The following ULK2 variants were observed in gnomAD, a reference collection of about 807,000 sequenced individuals.
ULK2 encodes serine/threonine-protein kinase ULK2.
Under a neutral mutation model 127.5 loss-of-function variants are expected in ULK2, and 76 were observed. That is an observed-to-expected ratio of 0.60 (90% CI 0.50 to 0.72). The LOEUF (loss-of-function observed/expected upper bound fraction) is 0.72, where lower values mean the gene tolerates loss of function less well. Ranked by LOEUF, ULK2 falls within the 30% of genes least tolerant of loss-of-function variation. The pLI is 0.00. For synonymous variants in ULK2, 452 were observed against 461.9 expected (o/e 0.98, Z 0.28); for missense variants, 1,144 against 1,295.9 (o/e 0.88, Z 1.80).
rs1175639813 is a variant in ULK2, at chr17:19,783,814, AGGG to A, written c.2340_2342del (p.Pro782del). On this transcript the variant is annotated inframe_deletion, in exon 22 of 27. Coordinates refer to ENST00000395544, the MANE Select transcript of ULK2 (RefSeq NM_014683.4). ...GGCTGGGAGCTGCCTCTGCTCCTGG[AGGG>A]GAAGAGCCGAAGCCTGGGCCAGGCG... The A allele has an allele frequency of 1.0e-5, 16 of 1,603,930 alleles. No homozygotes were observed. Among genetic ancestry groups the A allele is most frequent in the African/African-American group, 2.7e-5 (2 of 74,552 alleles).
Position 19,816,756 on chromosome 17 carries a change from G to C in ULK2, c.1089C>G (p.Asp363Glu), listed in dbSNP as rs2040999481. The C allele has an allele frequency of 2.1e-5, 34 of 1,589,416 alleles. No homozygotes were observed. The highest frequency in any genetic ancestry group is 2.6e-5 in the Non-Finnish European group (31 of 1,172,160). The change falls in exon 13 of 27, where the codon GAC becomes GAG. Residue 363 changes from aspartate (D) to glutamate (E), a missense_variant. Physicochemically the swap from Asp to Glu is conservative, Grantham distance 45. Around this residue, in one of 2 missense-constraint regions of ULK2, gnomAD observed 913 missense variants for 970.5 expected, o/e 0.94. Transcript: ENST00000395544. ...AGTAGAAAAGATTCTCACATGAGTG[G>C]TCTGACGAGATGTTGTGTGGCACCA... The part of the protein sequence containing the change: ...FVLVPHNISS[D>E]HSCDMPVGTA...
intron 13 of ULK2, among the ~76,000 whole-genome samples, chr17:19,814,411 CATAT>C (rs35552728): frequency 0.012 from 442 of 36,372 alleles, 31 homozygotes; most frequent in Middle Eastern, 0.025. Context: ...TTATTATATA[CATAT>C]ATATATATAT....
intron 12 of ULK2, among the ~76,000 whole-genome samples, chr17:19,817,952 A>G (rs191482093): frequency 1.3e-5 from 2 of 152,258 alleles, no homozygotes; most frequent in African/African-American, 4.8e-5. Flanking sequence ...AGGGAAGGGA[A>G]GATGGAAGAA....
intron 20 of ULK2, among the ~76,000 whole-genome samples, chr17:19,790,209 G>C (rs959396840): frequency 4.6e-5 from 7 of 152,142 alleles, no homozygotes; most frequent in African/African-American, 1.7e-4. Flanking sequence ...CTGAGGACAG[G>C]AGTTCGAGAC....
intron 3 of ULK2, among the ~76,000 whole-genome samples, chr17:19,858,795 C>A (rs1208354776): frequency 1.3e-5 from 2 of 151,972 alleles, no homozygotes; most frequent in Non-Finnish European, 2.9e-5. Context: ...CATGGTGAAA[C>A]CCCATTTCTA....
At chr17:19,849,912 T>C (rs1304274275) in intron 3 of ULK2, 138 bp from the exon 4 acceptor site, 1 of 561,692 alleles carries the variant, frequency 1.8e-6, no homozygotes, top group Non-Finnish European at 3.0e-6. Context: ...GAAAGTGAAA[T>C]TAAAATTCCC....
chr17:19,776,499 G>T, intron 26 of ULK2, 92 bp from the exon 27 acceptor site: 1 of 1,147,114 alleles, frequency 8.7e-7, no homozygotes, highest in Non-Finnish European at 1.2e-6. Context: ...TAACAGTTCT[G>T]AATATGTTTT....
At chr17:19,825,855 G>A (rs1444619569) in intron 11 of ULK2, among the ~76,000 whole-genome samples, 15 of 151,136 alleles carry the variant, frequency 9.9e-5, no homozygotes, top group South Asian at 4.2e-4. Context: ...GCATGGTGGC[G>A]CATGCCTGTA....
At chr17:19,864,886 A>G in intron 2 of ULK2, 42 bp from the exon 3 acceptor site, 1 of 961,428 alleles carries the variant, frequency 1.0e-6, no homozygotes, top group Non-Finnish European at 1.4e-6. Context: ...AAGTATTCTA[A>G]TGACTTTACT....
chr17:19,865,504 G>C (rs1242637502), intron 2 of ULK2, among the ~76,000 whole-genome samples: 1 of 152,152 alleles, frequency 6.6e-6, no homozygotes, highest in Non-Finnish European at 1.5e-5. Flanking sequence ...CTAGGAAAAA[G>C]AGAAATGATG....
chr17:19,803,181 CT>C (rs1466702239), intron 15 of ULK2, among the ~76,000 whole-genome samples: 1 of 152,146 alleles, frequency 6.6e-6, no homozygotes, highest in Non-Finnish European at 1.5e-5. Flanking sequence ...AAAGGGTATT[CT>C]ATGACAAAGC....
chr17:19,843,021 A>T lies in ULK2; in HGVS notation c.645+100T>A, dbSNP rs1415282707. 4.8e-6 allele frequency: 5 copies of T among 1,047,414 alleles called. No individual in the cohort carries two copies. The African/African-American group carries it at 7.9e-5, about 17-fold the overall frequency. The allele number at this position is 1,047,414 out of a possible 1,614,324, so 64.9% of individuals were successfully genotyped here. ...AATCAAAGTAACTCACAGAGGAGCC[A>T]AAAACACTGCTTTCAAAGTATTCTT... On this transcript the variant is annotated intron_variant, in intron 8 of 26. Transcript: ENST00000395544.
Position 19,838,843 on chromosome 17 carries a change from C to T in ULK2, c.705-260G>A, listed in dbSNP as rs1206161168. On this transcript the variant is annotated intron_variant, in intron 9 of 26. Coordinates refer to ENST00000395544, the MANE Select transcript of ULK2 (RefSeq NM_014683.4). Reference sequence around the variant, plus strand: ...GAGATCGAGACCATCCTGACTAACACGGTGAAACCCCATCTCTACTAAAAA... The same window carrying T: ...GAGATCGAGACCATCCTGACTAACATGGTGAAACCCCATCTCTACTAAAAA... 4.0e-5 allele frequency among the ~76,000 whole-genome samples: 6 copies of T among 151,344 alleles called. No individual in the cohort carries two copies. The East Asian group carries it at 5.8e-4, about 15-fold the overall frequency.
intron 10 of ULK2, among the ~76,000 whole-genome samples, chr17:19,834,828 T>C (rs1034998135): frequency 2.0e-5 from 3 of 151,774 alleles, no homozygotes; most frequent in Non-Finnish European, 4.4e-5. Flanking sequence ...GAGGATCACT[T>C]GAGCCCAGGA....
At chr17:19,829,217 G>A (rs555436958) in intron 10 of ULK2, among the ~76,000 whole-genome samples, 1 of 152,240 alleles carries the variant, frequency 6.6e-6, no homozygotes, top group Non-Finnish European at 1.5e-5. Flanking sequence ...AATTTGAATT[G>A]AAAACTGTTA....
At chr17:19,862,518 T>C (rs1050101264) in intron 3 of ULK2, among the ~76,000 whole-genome samples, 3 of 151,724 alleles carry the variant, frequency 2.0e-5, no homozygotes, top group African/African-American at 7.3e-5. Context: ...CAGGCTGGAG[T>C]GCAATGGCAC....
In ULK2 at chr17:19,852,248, G is replaced by A. The variant is rs569280453; in HGVS notation, c.226-2474C>T. ...TCAAACAAACAAAAAAGCACTGGGCGCAGTGGCTCACGCCTGTAATCCCAG... is the reference window on the plus strand; with the variant it reads ...TCAAACAAACAAAAAAGCACTGGGCACAGTGGCTCACGCCTGTAATCCCAG... On this transcript the variant is annotated intron_variant, in intron 3 of 26. Coordinates refer to ENST00000395544, the MANE Select transcript of ULK2 (RefSeq NM_014683.4). Among the ~76,000 whole-genome samples, 48 of 151,734 alleles carry A rather than the reference G, an allele frequency of 3.2e-4. No homozygotes were observed. The South Asian group carries it at 4.4e-3, about 14-fold the overall frequency.
At chr17:19,844,839 G>T (rs937530219) in intron 7 of ULK2, among the ~76,000 whole-genome samples, 8 of 152,136 alleles carry the variant, frequency 5.3e-5, no homozygotes, top group African/African-American at 1.9e-4. Flanking sequence ...ATCTATATGA[G>T]AGGATAAAGG....
intron 16 of ULK2, 73 bp downstream of exon 16, chr17:19,801,704 A>C: frequency 6.3e-7 from 1 of 1,594,732 alleles, no homozygotes; most frequent in Non-Finnish European, 8.5e-7. Context: ...GAAGTTCCTA[A>C]AGAAAATGTG....
Sources: gnomAD v4.1 joint callset for allele counts (sites outside exome capture counted in the v4.1 genomes callset) on GRCh38, gnomAD v4.1.1 for gene constraint, gnomAD v4.1.1 regional missense constraint, MANE v1.5 for transcripts, NCBI Gene and HGNC (gene_info 2026-07-23, HGNC 2026-07-21) for gene names.